The following NEFL variants were observed in gnomAD, a reference collection of about 807,000 sequenced individuals.
NEFL encodes the protein neurofilament light polypeptide.
In NEFL, 36 loss-of-function variants were observed where a neutral mutation model predicts 51.6. The ratio of observed to expected loss-of-function variants is 0.70; its 90% CI spans 0.53 to 0.92. The LOEUF is 0.92. Among genes scored for constraint, NEFL ranks in the 40% least tolerant of loss-of-function variants. The probability of loss-of-function intolerance (pLI) is 0.00; values close to 1 mark genes in which losing one functional copy is unlikely to be tolerated. For synonymous variants in NEFL, 332 were observed against 302.5 expected (o/e 1.10, Z -1.01); for missense variants, 671 against 722.0 (o/e 0.93, Z 0.81).
In NEFL at chr8:24,955,442, C is replaced by G. The variant is rs751536059; in HGVS notation, c.1044+30G>C. 1.3e-6 allele frequency: 2 copies of G among 1,493,762 alleles called. No individual in the cohort carries two copies. Among genetic ancestry groups the G allele is most frequent in the Non-Finnish European group, 9.1e-7 (1 of 1,102,690 alleles). 92.5% of individuals were successfully genotyped at this position (1,493,762 alleles called of 1,614,324 possible). ...AACTCCCCCCCTTGCTCGAGTCCCC[C>G]GCCCCCCTGTGTTTCTGGCCGTGCC... On this transcript the variant is annotated intron_variant, in intron 1 of 3. Coordinates refer to ENST00000610854, the MANE Select transcript of NEFL (RefSeq NM_006158.5). The surrounding 1 kb of genome is among the most constrained non-coding windows in gnomAD (Gnocchi z 4.0).
chr8:24,956,168 C>T lies in NEFL; in HGVS notation c.348G>A (p.Lys116=), dbSNP rs753906952. ...ERVHELEQQN[K]VLEAELLVLR... The stretch of plus-strand genomic sequence containing the variant: ...GCACCAGCAGCTCGGCTTCCAGGAC[C>T]TTGTTCTGCTGCTCCAGCTCGTGCA... The change falls in exon 1 of 4, where the codon AAG becomes AAA. Residue 116 remains lysine, a synonymous_variant. Transcript: ENST00000610854. The surrounding 1 kb of genome is among the most constrained non-coding windows in gnomAD (Gnocchi z 5.9). 2 of 1,610,230 alleles carry T rather than the reference C, an allele frequency of 1.2e-6. No individual in the cohort carries two copies. Among genetic ancestry groups the T allele is most frequent in the South Asian group, 1.1e-5 (1 of 90,160 alleles).
chr8:24,954,339 T>C, intron 1 of NEFL, 34 bp from the exon 2 acceptor site: 1 of 1,601,646 alleles, frequency 6.2e-7, no homozygotes, highest in East Asian at 2.2e-5. Flanking sequence ...AAAAAAAAAA[T>C]CCGAGCATAA....
At position 24,952,021 on chromosome 8, in the gene NEFL, A is replaced by G. The variant is rs1360592948; in HGVS notation, c.*789T>C. The G allele has an allele frequency of 6.6e-6, 1 of 152,344 alleles. No homozygotes were observed. The highest frequency in any genetic ancestry group is 1.5e-5 in the Non-Finnish European group (1 of 68,038). 9.4% of individuals were successfully genotyped at this position (152,344 alleles called of 1,614,324 possible). Reference sequence around the variant, plus strand: ...AATGGTTAGCACTCTAGACTCTGAAATGACCTGTTTACCATAAAGAGTGTA... The same window carrying G: ...AATGGTTAGCACTCTAGACTCTGAAGTGACCTGTTTACCATAAAGAGTGTA... On this transcript the variant is annotated 3_prime_UTR_variant, in exon 4 of 4. Transcript: ENST00000610854.
Position 24,956,014 on chromosome 8 carries a change from C to G in NEFL, c.502G>C (p.Glu168Gln). ...QALQGEREGL[E>Q]ETLRNLQARY... Reference sequence around the variant, plus strand: ...GCCTGCAGGTTGCGCAGGGTCTCCTCCAGCCCTTCGCGCTCGCCCTGGAGC... The same window carrying G: ...GCCTGCAGGTTGCGCAGGGTCTCCTGCAGCCCTTCGCGCTCGCCCTGGAGC... Residue 168 changes from glutamate to glutamine, a missense_variant, in exon 1 of 4, where the codon GAG becomes CAG. Physicochemically the swap from Glu to Gln is conservative, Grantham distance 29. Coordinates refer to ENST00000610854, the MANE Select transcript of NEFL (RefSeq NM_006158.5). The surrounding 1 kb of genome is among the most constrained non-coding windows in gnomAD (Gnocchi z 5.9). 1 of 1,604,928 alleles carries G rather than the reference C, an allele frequency of 6.2e-7. No individual in the cohort carries two copies. Among genetic ancestry groups the G allele is most frequent in the South Asian group, 1.1e-5 (1 of 90,858 alleles).
rs878854817 is a variant in NEFL at position 24,955,736 on chromosome 8, G to A, written c.780C>T (p.Asp260=). ...CCAGCTTCTCGTACTGCGCGCGGAT[G>A]TCCTTGAGCGCGGCGGAAAGGTCGG... ...TKPDLSAALK[D]IRAQYEKLAA... The change falls in exon 1 of 4, where the codon GAC becomes GAT. Residue 260 remains aspartate (D), a synonymous_variant. Coordinates refer to ENST00000610854, the MANE Select transcript of NEFL (RefSeq NM_006158.5). The surrounding 1 kb of genome is among the most constrained non-coding windows in gnomAD (Gnocchi z 4.0). 1.2e-6 allele frequency: 2 copies of A among 1,613,660 alleles called. No individual in the cohort carries two copies.
intron 1 of NEFL, 66 bp from the exon 2 acceptor site, chr8:24,954,371 T>C: frequency 3.2e-6 from 5 of 1,576,038 alleles, no homozygotes; most frequent in Non-Finnish European, 4.3e-6. Flanking sequence ...TATTTTACTG[T>C]AGTGTAGTTG....
Position 24,955,444 on chromosome 8 carries a change from C to T in NEFL, c.1044+28G>A, listed in dbSNP as rs1164346200. 2.9e-6 allele frequency: 4 copies of T among 1,380,058 alleles called. No homozygotes were observed. Among genetic ancestry groups the T allele is most frequent in the Non-Finnish European group, 4.0e-6 (4 of 1,002,962 alleles). The allele number at this position is 1,380,058 out of a possible 1,614,324, so 85.5% of individuals were successfully genotyped here. ...CTCCCCCCCTTGCTCGAGTCCCCCG[C>T]CCCCCTGTGTTTCTGGCCGTGCCGC... On this transcript the variant is annotated intron_variant, in intron 1 of 3. Transcript: ENST00000610854. The surrounding 1 kb of genome is among the most constrained non-coding windows in gnomAD (Gnocchi z 4.0).
At position 24,955,245 on chromosome 8, in the gene NEFL, A is replaced by C; in HGVS notation, c.1044+227T>G. 4.6e-6 allele frequency: 2 copies of C among 434,350 alleles called. No individual in the cohort carries two copies. 26.9% of individuals were successfully genotyped at this position (434,350 alleles called of 1,614,324 possible). A position where few individuals can be genotyped will look rare whatever the true frequency, so the allele number is the denominator to read the frequency against. ...CACCCAACAAGGGCTGGGCAGCTTT[A>C]ATGCGGAACGCCGGTGCAGCAGCAC... On this transcript the variant is annotated intron_variant, in intron 1 of 3. Coordinates refer to ENST00000610854, the MANE Select transcript of NEFL (RefSeq NM_006158.5). The surrounding 1 kb of genome is among the most constrained non-coding windows in gnomAD (Gnocchi z 4.0).
At chr8:24,953,441 A>G (rs1340577724) in intron 3 of NEFL, 35 bp downstream of exon 3, 2 of 1,546,670 alleles carry the variant, frequency 1.3e-6, no homozygotes, top group Non-Finnish European at 8.7e-7. Context: ...CACCCAGTTT[A>G]CACTTGAAGT....
Position 24,956,259 on chromosome 8 carries a change from A to C in NEFL, c.257T>G (p.Ile86Ser). The change falls in exon 1 of 4, where the codon ATC (isoleucine) becomes AGC (serine). Residue 86 changes from isoleucine to serine, a missense_variant. By Grantham distance (142) the Ile-to-Ser change is moderately radical (BLOSUM62 -2). Transcript: ENST00000610854. This position sits in a 1 kb window ranked among gnomAD's most constrained non-coding sequence, Gnocchi z 5.9. ...GAGCTGCGCCTTCTCCTGCGTGCGG[A>C]TGGACTTGAGGTCGTTGCTGATGGC... ...VAAISNDLKS[I>S]RTQEKAQLQD... 1 of 1,612,178 alleles carries C rather than the reference A, an allele frequency of 6.2e-7. No individual in the cohort carries two copies. Among genetic ancestry groups the C allele is most frequent in the Non-Finnish European group, 8.5e-7 (1 of 1,179,290 alleles).
chr8:24,954,870 T>C (rs1291531887), intron 1 of NEFL, among the ~76,000 whole-genome samples: 2 of 151,118 alleles, frequency 1.3e-5, no homozygotes, highest in African/African-American at 4.9e-5. Flanking sequence ...AAGATGGAGA[T>C]GTTTAAACAG....
chr8:24,955,405 T>C lies in NEFL; in HGVS notation c.1044+67A>G. ...GCCGCACCACCCCTGGTCTCCACTT[T>C]CTGGGCGCACCAACTCCCCCCCTTG... On this transcript the variant is annotated intron_variant, in intron 1 of 3. Coordinates refer to ENST00000610854, the MANE Select transcript of NEFL (RefSeq NM_006158.5). This position sits in a 1 kb window ranked among gnomAD's most constrained non-coding sequence, Gnocchi z 4.0. The C allele has an allele frequency of 6.9e-7, 1 of 1,448,650 alleles. No homozygotes were observed. Among genetic ancestry groups the C allele is most frequent in the Non-Finnish European group, 9.3e-7 (1 of 1,077,022 alleles). 89.7% of individuals were successfully genotyped at this position (1,448,650 alleles called of 1,614,324 possible).
rs756916558 is a variant in NEFL at position 24,956,435 on chromosome 8, G to A, written c.81C>T (p.Ser27=). 1.2e-5 allele frequency: 19 copies of A among 1,603,758 alleles called. No individual in the cohort carries two copies. The highest frequency in any genetic ancestry group is 1.5e-5 in the Non-Finnish European group (18 of 1,175,864). Residue 27 remains serine, a synonymous_variant, in exon 1 of 4, where the codon TCC becomes TCT. Coordinates refer to ENST00000610854, the MANE Select transcript of NEFL (RefSeq NM_006158.5). This position sits in a 1 kb window ranked among gnomAD's most constrained non-coding sequence, Gnocchi z 5.9. ...CGGTGCTGTAGCCGCTGCGCACGCT[G>A]GAGATGTGCACCCGGGGCGTCTCCA... ...RYVETPRVHI[S]SVRSGYSTAR... is the part of the protein sequence containing the mutation.
Position 24,955,416 on chromosome 8 carries a change from C to T in NEFL, c.1044+56G>A. On this transcript the variant is annotated intron_variant, in intron 1 of 3. Coordinates refer to ENST00000610854, the MANE Select transcript of NEFL (RefSeq NM_006158.5). The surrounding 1 kb of genome is among the most constrained non-coding windows in gnomAD (Gnocchi z 4.0). ...CCTGGTCTCCACTTTCTGGGCGCAC[C>T]AACTCCCCCCCTTGCTCGAGTCCCC... 1 of 1,437,826 alleles carries T rather than the reference C, an allele frequency of 7.0e-7. No individual in the cohort carries two copies. The highest frequency in any genetic ancestry group is 1.4e-5 in the African/African-American group (1 of 71,324). The allele number at this position is 1,437,826 out of a possible 1,614,324, so 89.1% of individuals were successfully genotyped here.
In NEFL at chr8:24,953,705, G is replaced by T. The variant is rs1463816212; in HGVS notation, c.1260C>A (p.Gly420=). ...TCTGTAAACCGCCGTAGGCAGATCGGCCAAAGACCTGGGAGCTCTGGGAGT... is the reference window on the plus strand; with the variant it reads ...TCTGTAAACCGCCGTAGGCAGATCGTCCAAAGACCTGGGAGCTCTGGGAGT... ...SGYSQSSQVF[G]RSAYGGLQTS... The change falls in exon 3 of 4, where the codon GGC becomes GGA. Residue 420 remains glycine (G), a synonymous_variant. Transcript: ENST00000610854. 1.9e-6 allele frequency: 3 copies of T among 1,613,870 alleles called. No individual in the cohort carries two copies. In the African/African-American group the frequency reaches 4.0e-5, roughly 22 times the overall value.
chr8:24,955,935 T>A lies in NEFL; in HGVS notation c.581A>T (p.Glu194Val), dbSNP rs779955465. The change falls in exon 1 of 4, where the codon GAA (glutamate) becomes GTA (valine). Residue 194 changes from glutamate (E) to valine (V), a missense_variant. Coordinates refer to ENST00000610854, the MANE Select transcript of NEFL (RefSeq NM_006158.5). This position sits in a 1 kb window ranked among gnomAD's most constrained non-coding sequence, Gnocchi z 4.0. ...SREDAEGRLM[E>V]ARKGADEAAL... Reference sequence around the variant, plus strand: ...CGCCTCGTCGGCGCCTTTGCGCGCTTCCATCAGCCGGCCCTCGGCGTCCTC... The same window carrying A: ...CGCCTCGTCGGCGCCTTTGCGCGCTACCATCAGCCGGCCCTCGGCGTCCTC... 1 of 1,603,876 alleles carries A rather than the reference T, an allele frequency of 6.2e-7. No homozygotes were observed. The highest frequency in any genetic ancestry group is 2.2e-5 in the East Asian group (1 of 44,834).
At position 24,955,588 on chromosome 8, in the gene NEFL, G is replaced by C. The variant is rs1803035370; in HGVS notation, c.928C>G (p.Arg310Gly). The C allele has an allele frequency of 6.2e-7, 1 of 1,613,640 alleles. No homozygotes were observed. The change falls in exon 1 of 4, where the codon CGT becomes GGT. Residue 310 changes from arginine to glycine, a missense_variant. Physicochemically the swap from Arg to Gly is moderately radical, Grantham distance 125 (BLOSUM62 -2). Coordinates refer to ENST00000610854, the MANE Select transcript of NEFL (RefSeq NM_006158.5). This position sits in a 1 kb window ranked among gnomAD's most constrained non-coding sequence, Gnocchi z 4.0. ...TCCAGGGTCTTGGCCTTGAGCAGAC[G>C]ACGGCTCTCGGACACCTCGTCCTTG... The part of the protein sequence containing the change: ...AAKDEVSESR[R>G]LLKAKTLEIE...
rs1803041188 is a variant in NEFL, at chr8:24,955,799, C to T, written c.717G>A (p.Gln239=). 4.3e-6 allele frequency: 7 copies of T among 1,612,732 alleles called. No homozygotes were observed. The highest frequency in any genetic ancestry group is 5.9e-6 in the Non-Finnish European group (7 of 1,179,852). Reference sequence around the variant, plus strand: ...CCATCTCCACGGAGATCTGCGCGTACTGGATCTGCGCCTGCAGTTCGGCGA... The same window carrying T: ...CCATCTCCACGGAGATCTGCGCGTATTGGATCTGCGCCTGCAGTTCGGCGA... ...EEIAELQAQI[Q]YAQISVEMDV... The change falls in exon 1 of 4, where the codon CAG becomes CAA. Residue 239 remains glutamine, a synonymous_variant. Coordinates refer to ENST00000610854, the MANE Select transcript of NEFL (RefSeq NM_006158.5). The surrounding 1 kb of genome is among the most constrained non-coding windows in gnomAD (Gnocchi z 4.0).
In NEFL at chr8:24,956,194, C is replaced by A; in HGVS notation, c.322G>T (p.Val108Leu). The A allele has an allele frequency of 6.2e-7, 1 of 1,610,390 alleles. No homozygotes were observed. The highest frequency in any genetic ancestry group is 8.5e-7 in the Non-Finnish European group (1 of 1,178,548). ...NDRFASFIERVHELEQQNKVL... is the reference protein window; with the variant it reads ...NDRFASFIERLHELEQQNKVL... ...TTGTTCTGCTGCTCCAGCTCGTGCA[C>A]GCGCTCGATGAAGCTGGCGAAGCGG... Residue 108 changes from valine (V) to leucine (L), a missense_variant, in exon 1 of 4, where the codon GTG (valine) becomes TTG (leucine). Physicochemically the swap from Val to Leu is conservative, Grantham distance 32 (BLOSUM62 1). Transcript: ENST00000610854. The surrounding 1 kb of genome is among the most constrained non-coding windows in gnomAD (Gnocchi z 5.9).
Sources: allele counts gnomAD v4.1 joint callset (sites outside exome capture counted in the v4.1 genomes callset), GRCh38; gene constraint gnomAD v4.1.1; non-coding constraint Gnocchi (gnomAD v3.1); transcripts MANE v1.5; gene names NCBI Gene and HGNC (gene_info 2026-07-23, HGNC 2026-07-21).